The following IGFN1 variants were observed in gnomAD, a reference collection of about 807,000 sequenced individuals.
IGFN1 encodes the protein immunoglobulin like and fibronectin type III domain containing 1, also known as immunoglobulin-like and fibronectin type III domain-containing protein 1.
IGFN1 carries 253 observed loss-of-function variants against 289.5 expected under a neutral mutation model. The observed-to-expected ratio is 0.87, with a 90% CI of 0.79 to 0.97. The LOEUF is 0.97. Ranked by LOEUF, IGFN1 falls within the 50% of genes least tolerant of loss-of-function variation. The pLI, the probability that IGFN1 is intolerant of heterozygous loss-of-function variation, is 0.00. For missense variants in IGFN1, 4,470 were observed against 4,686.1 expected (o/e 0.95, Z 1.35); for synonymous variants, 1,706 against 1,788.5 (o/e 0.95, Z 1.16).
chr1:201,207,105 T>C lies in IGFN1; in HGVS notation c.2212T>C (p.Phe738Leu), dbSNP rs1355523619. 1 of 1,536,884 alleles carries C rather than the reference T, an allele frequency of 6.5e-7. No homozygotes were observed. Among genetic ancestry groups the C allele is most frequent in the Admixed American group, 2.0e-5 (1 of 50,982 alleles). Reference sequence around the variant, plus strand: ...ACCATCAATATCAGGTGGTAGAAAATTCCTTCTGGGAGATGGGAGTCCTGA... The same window carrying C: ...ACCATCAATATCAGGTGGTAGAAAACTCCTTCTGGGAGATGGGAGTCCTGA... ...QEPSISGGRK[F>L]LLGDGSPEIK... The change falls in exon 12 of 24, where the codon TTC becomes CTC. Residue 738 changes from phenylalanine (F) to leucine (L), a missense_variant. By Grantham distance (22) the Phe-to-Leu change is conservative (BLOSUM62 0). Coordinates refer to ENST00000335211, the MANE Select transcript of IGFN1 (RefSeq NM_001164586.2).
chr1:201,215,470 G>A, intron 14 of IGFN1, 69 bp from the exon 15 acceptor site: 1 of 1,391,748 alleles, frequency 7.2e-7, no homozygotes, highest in Non-Finnish European at 9.8e-7. Flanking sequence ...CCTTCTCTGG[G>A]TCCTCCTTTC....
chr1:201,193,107 T>G, intron 1 of IGFN1, 140 bp from the exon 2 acceptor site: 4 of 584,490 alleles, frequency 6.8e-6, no homozygotes, highest in Middle Eastern at 4.7e-4. Context: ...ATCAGTGCCA[T>G]TAGTGGGTTA....
intron 6 of IGFN1, 89 bp from the exon 7 acceptor site, chr1:201,199,520 G>A (rs1572166898): frequency 6.9e-7 from 1 of 1,448,212 alleles, no homozygotes. Context: ...CAAAGGCTCA[G>A]TTGTCAGCAT....
chr1:201,194,868 A>C (rs1666823943), intron 3 of IGFN1, among the ~76,000 whole-genome samples: 1 of 152,168 alleles, frequency 6.6e-6, no homozygotes, highest in African/African-American at 2.4e-5. Flanking sequence ...ATGGTATTTT[A>C]TTTTTCTAAA....
intron 15 of IGFN1, 72 bp downstream of exon 15, chr1:201,215,910 G>A: frequency 6.9e-7 from 1 of 1,445,182 alleles, no homozygotes. Flanking sequence ...GCCATCAAGG[G>A]CAGGCCTGGG....
chr1:201,206,514 C>A lies in IGFN1; in HGVS notation c.1621C>A (p.Gln541Lys), dbSNP rs994570186. ...SGLGLPEKQQ[Q>K]DRGRDSNSDE... ...GTTGGGCCTCCCAGAAAAACAACAG[C>A]AAGATCGTGGCAGAGACAGCAACAG... The change falls in exon 12 of 24, where the codon CAA becomes AAA. Residue 541 changes from glutamine (Q) to lysine (K), a missense_variant. Around this residue, in one of 8 missense-constraint regions of IGFN1, gnomAD observed 2,011 missense variants for 1,953.4 expected, o/e 1.03. Transcript: ENST00000335211. 5 of 1,551,160 alleles carry A rather than the reference C, an allele frequency of 3.2e-6. No individual in the cohort carries two copies. The highest frequency in any genetic ancestry group is 4.4e-6 in the Non-Finnish European group (5 of 1,147,010).
At chr1:201,222,985 T>C (rs1653834885) in intron 20 of IGFN1, 158 bp downstream of exon 20, 3 of 520,266 alleles carry the variant, frequency 5.8e-6, no homozygotes, top group South Asian at 5.3e-5. Context: ...GTGAGAGACA[T>C]GAGGCAGGAA....
Position 201,210,174 on chromosome 1 carries a change from A to C in IGFN1, c.5281A>C (p.Lys1761Gln), listed in dbSNP as rs1272503544. 22 of 1,277,360 alleles carry C rather than the reference A, an allele frequency of 1.7e-5. 1 individual carries two copies. Among genetic ancestry groups the C allele is most frequent in the Non-Finnish European group, 2.2e-5 (22 of 986,854 alleles). 79.1% of individuals were successfully genotyped at this position (1,277,360 alleles called of 1,614,324 possible). ...GAPKGIGSGS[K>Q]ADFRDALGSS... ...TCCTAAGGGAATAGGTTCAGGGAGC[A>C]AGGCAGATTTTAGGGATGCTTTAGG... is the stretch of plus-strand genomic sequence containing the variant. The change falls in exon 12 of 24, where the codon AAG becomes CAG. Residue 1761 changes from lysine (K) to glutamine (Q), a missense_variant. Lys to Gln is a moderately conservative substitution (Grantham distance 53). This residue lies in a region of IGFN1 where 33 missense variants were observed against 259.7 expected (regional missense o/e 0.13). Transcript: ENST00000335211.
At position 201,207,825 on chromosome 1, in the gene IGFN1, G is replaced by T; in HGVS notation, c.2932G>T (p.Gly978Trp). Residue 978 changes from glycine (G) to tryptophan (W), a missense_variant, in exon 12 of 24, where the codon GGG becomes TGG. Around this residue, in one of 8 missense-constraint regions of IGFN1, gnomAD observed 2,011 missense variants for 1,953.4 expected, o/e 1.03. Coordinates refer to ENST00000335211, the MANE Select transcript of IGFN1 (RefSeq NM_001164586.2). ...KSGAGYSYGSGVPGEMGSGHG... is the reference protein window; with the variant it reads ...KSGAGYSYGSWVPGEMGSGHG... The stretch of plus-strand genomic sequence containing the variant: ...CGGGGCTGGTTATAGCTATGGCTCA[G>T]GGGTTCCAGGAGAAATGGGGTCCGG... The T allele has an allele frequency of 6.5e-7, 1 of 1,536,002 alleles. No homozygotes were observed.
At chr1:201,204,979 T>G in intron 10 of IGFN1, 103 bp from the exon 11 acceptor site, 2 of 1,205,908 alleles carry the variant, frequency 1.7e-6, no homozygotes, top group Non-Finnish European at 2.3e-6. Context: ...AGTTTGTGGC[T>G]GAGCTGGTCT....
chr1:201,201,854 G>T, intron 9 of IGFN1, 22 bp downstream of exon 9: 8 of 988,092 alleles, frequency 8.1e-6, no homozygotes, highest in Non-Finnish European at 1.3e-5. Flanking sequence ...GGGGCTATGG[G>T]TGGGGGGGAT....
At position 201,203,920 on chromosome 1, in the gene IGFN1, A is replaced by T; in HGVS notation, c.916+14A>T. The T allele has an allele frequency of 6.5e-7, 1 of 1,544,938 alleles. No individual in the cohort carries two copies. The highest frequency in any genetic ancestry group is 8.7e-7 in the Non-Finnish European group (1 of 1,142,928). On this transcript the variant is annotated intron_variant, in intron 10 of 23. Transcript: ENST00000335211. ...TGGAGGCCAGTGGTGAGTGGTCTAC[A>T]CTGCCGAAGTTGGAGTTGGGGAGAT...
At position 201,208,070 on chromosome 1, in the gene IGFN1, T is replaced by C; in HGVS notation, c.3177T>C (p.Ser1059=). The C allele has an allele frequency of 1.3e-6, 2 of 1,537,032 alleles. No homozygotes were observed. Among genetic ancestry groups the C allele is most frequent in the South Asian group, 2.4e-5 (2 of 84,064 alleles). ...APMNDTRNWA[S]ACQAGMDPRG... is the part of the protein sequence containing the mutation. ...TGAATGACACCAGGAATTGGGCCTCTGCATGCCAGGCAGGCATGGACCCTA... is the reference window on the plus strand; with the variant it reads ...TGAATGACACCAGGAATTGGGCCTCCGCATGCCAGGCAGGCATGGACCCTA... The change falls in exon 12 of 24, where the codon TCT becomes TCC. Residue 1059 remains serine (S), a synonymous_variant. Coordinates refer to ENST00000335211, the MANE Select transcript of IGFN1 (RefSeq NM_001164586.2).
Position 201,206,449 on chromosome 1 carries a change from C to T in IGFN1, c.1556C>T (p.Ala519Val), listed in dbSNP as rs1205080363. ...HREGGWARSL[A>V]ERPHLQGESS... ...GAGGGAGGCTGGGCCAGAAGCCTTG[C>T]AGAGAGGCCCCATCTACAGGGAGAG... Residue 519 changes from alanine (A) to valine (V), a missense_variant, in exon 12 of 24, where the codon GCA (alanine) becomes GTA (valine). Coordinates refer to ENST00000335211, the MANE Select transcript of IGFN1 (RefSeq NM_001164586.2). The T allele has an allele frequency of 1.9e-6, 3 of 1,551,248 alleles. No individual in the cohort carries two copies. Among genetic ancestry groups the T allele is most frequent in the Non-Finnish European group, 2.6e-6 (3 of 1,146,970 alleles).
chr1:201,197,086 A>G (rs1040373912), intron 4 of IGFN1, 132 bp from the exon 5 acceptor site: 7 of 582,138 alleles, frequency 1.2e-5, no homozygotes, highest in Non-Finnish European at 2.2e-5. Context: ...GTCTTTCCTG[A>G]TAAAGACTGT....
intron 12 of IGFN1, among the ~76,000 whole-genome samples, chr1:201,213,956 G>A (rs1416444482): frequency 2.6e-5 from 4 of 152,172 alleles, no homozygotes; most frequent in Non-Finnish European, 5.9e-5. Context: ...TTACACCCCA[G>A]GTCTCCTGGA....
At chr1:201,224,407 G>A (rs1467909647) in intron 20 of IGFN1, among the ~76,000 whole-genome samples, 7 of 152,116 alleles carry the variant, frequency 4.6e-5, no homozygotes, top group South Asian at 2.1e-4. Context: ...GAGGTGTGAC[G>A]TGGAGGGCAC....
chr1:201,201,650 T>C, intron 8 of IGFN1, 69 bp from the exon 9 acceptor site: 2 of 822,488 alleles, frequency 2.4e-6, no homozygotes, highest in Non-Finnish European at 4.1e-6. Context: ...CCAGAGCCTA[T>C]GAGGGTTCAG....
Position 201,225,980 on chromosome 1 carries a change from C to T in IGFN1, c.10643C>T (p.Ala3548Val). The change falls in exon 22 of 24, where the codon GCC becomes GTC. Residue 3548 changes from alanine (A) to valine (V), a missense_variant. Ala to Val is a moderately conservative substitution (Grantham distance 64). This residue lies in a region of IGFN1 where 2,218 missense variants were observed against 2,114.1 expected (regional missense o/e 1.05). Coordinates refer to ENST00000335211, the MANE Select transcript of IGFN1 (RefSeq NM_001164586.2). ...GCGCACGGTCCCTGGCACGAGGCAG[C>T]CGACCGCATCCACACCAACCGCTTC... Reference protein sequence around the residue: ...SSAHGPWHEAADRIHTNRFTL... With the variant: ...SSAHGPWHEAVDRIHTNRFTL... The T allele has an allele frequency of 1.3e-6, 2 of 1,581,716 alleles. No homozygotes were observed. Among genetic ancestry groups the T allele is most frequent in the East Asian group, 2.3e-5 (1 of 44,150 alleles).
Sources: gnomAD v4.1 joint callset for allele counts (sites outside exome capture counted in the v4.1 genomes callset) on GRCh38, gnomAD v4.1.1 for gene constraint, gnomAD v4.1.1 regional missense constraint, MANE v1.5 for transcripts, NCBI Gene and HGNC (gene_info 2026-07-23, HGNC 2026-07-21) for gene names.